The following LARP1B variants were observed in gnomAD, a reference collection of about 807,000 sequenced individuals.
LARP1B encodes La ribonucleoprotein 1B, also known as la-related protein 1B.
In LARP1B, 76 loss-of-function variants were observed where a neutral mutation model predicts 114.2. The ratio of observed to expected loss-of-function variants is 0.67; its 90% CI spans 0.55 to 0.81. LARP1B has a LOEUF of 0.81. Among genes scored for constraint, LARP1B ranks in the 30% least tolerant of loss-of-function variants. LARP1B has a pLI of 0.00. For missense variants in LARP1B, 1,014 were observed against 1,075.8 expected (o/e 0.94, Z 0.80); for synonymous variants, 345 against 348.0 (o/e 0.99, Z 0.10).
At position 128,077,879 on chromosome 4, in the gene LARP1B, A is replaced by T; in HGVS notation, c.134A>T (p.Lys45Ile). The change falls in exon 4 of 20, where the codon AAA becomes ATA. Residue 45 changes from lysine to isoleucine, a missense_variant. Transcript: ENST00000326639. ...GAAAAGAGAAGTAACAGTGACAGCA[A>T]AGAAAACCGGGAAACAAAATTAAAT... The part of the protein sequence containing the change: ...KVEKRSNSDS[K>I]ENRETKLNGP... The T allele has an allele frequency of 6.2e-7, 1 of 1,613,700 alleles. No homozygotes were observed. The highest frequency in any genetic ancestry group is 8.5e-7 in the Non-Finnish European group (1 of 1,179,836).
At chr4:128,177,715 G>C (rs1167800514) in intron 13 of LARP1B, among the ~76,000 whole-genome samples, 2 of 152,142 alleles carry the variant, frequency 1.3e-5, no homozygotes, top group Admixed American at 6.6e-5. Context: ...CATGCTGCTG[G>C]TGAGAGTGTA....
At chr4:128,190,867 A>G (rs1452838915) in intron 15 of LARP1B, among the ~76,000 whole-genome samples, 1 of 152,132 alleles carries the variant, frequency 6.6e-6, no homozygotes, top group East Asian at 1.9e-4. Flanking sequence ...TTAGATTTGG[A>G]ATGTTTTCTG....
At position 128,199,597 on chromosome 4, in the gene LARP1B, G is replaced by A; in HGVS notation, c.2162G>A (p.Ser721Asn). ...VYHKYRRRCL[S>N]ERKRLGIGQS... ...CACAAGTATCGTCGAAGATGCCTAA[G>A]TGGTAAGATGCTTGTCCTTTATCTA... Residue 721 changes from serine to asparagine, a missense_variant and splice_region_variant, in exon 16 of 20, where the codon AGT becomes AAT. Coordinates refer to ENST00000326639, the MANE Select transcript of LARP1B (RefSeq NM_018078.4). 2 of 1,525,420 alleles carry A rather than the reference G, an allele frequency of 1.3e-6. No individual in the cohort carries two copies. The highest frequency in any genetic ancestry group is 1.4e-5 in the South Asian group (1 of 72,160). The allele number at this position is 1,525,420 out of a possible 1,614,324, so 94.5% of individuals were successfully genotyped here.
chr4:128,178,882 C>T (rs1171093716), intron 14 of LARP1B, among the ~76,000 whole-genome samples: 1 of 152,032 alleles, frequency 6.6e-6, no homozygotes, highest in Non-Finnish European at 1.5e-5. Flanking sequence ...CGCTTGTGCC[C>T]AGGAGTTGGA....
At chr4:128,134,898 A>G (rs2150140233) in intron 11 of LARP1B, among the ~76,000 whole-genome samples, 1 of 152,220 alleles carries the variant, frequency 6.6e-6, no homozygotes, top group South Asian at 2.1e-4. Flanking sequence ...TGAGGTCAGG[A>G]GTTTAAGACC....
chr4:128,085,963 G>A (rs1339819587), intron 5 of LARP1B, among the ~76,000 whole-genome samples: 1 of 151,052 alleles, frequency 6.6e-6, no homozygotes, highest in Non-Finnish European at 1.5e-5. Context: ...CATGTCTAGT[G>A]GAATTCCTGT....
chr4:128,148,140 T>C (rs79153581), intron 11 of LARP1B, among the ~76,000 whole-genome samples: 2,073 of 152,272 alleles, frequency 0.014, 34 homozygotes, highest in African/African-American at 0.037. Context: ...CACCTTAATA[T>C]GCATCTAAAG....
chr4:128,091,640 A>C, intron 7 of LARP1B, 128 bp downstream of exon 7: 1 of 657,790 alleles, frequency 1.5e-6, no homozygotes, highest in East Asian at 3.0e-5. Flanking sequence ...TCTGTTGCCC[A>C]GGCTGGAGTG....
intron 11 of LARP1B, chr4:128,155,325 C>A: frequency 1.9e-6 from 1 of 522,888 alleles, no homozygotes; most frequent in South Asian, 2.2e-5. Flanking sequence ...ATCATGTGGT[C>A]AAAATCTGGA....
chr4:128,079,043 T>C (rs1283456462), intron 4 of LARP1B, among the ~76,000 whole-genome samples: 1 of 152,080 alleles, frequency 6.6e-6, no homozygotes, highest in Non-Finnish European at 1.5e-5. Context: ...CCAACTTCTT[T>C]AACACTTTAA....
intron 9 of LARP1B, among the ~76,000 whole-genome samples, chr4:128,114,003 C>T (rs906504072): frequency 3.6e-4 from 54 of 151,942 alleles, no homozygotes; most frequent in African/African-American, 1.3e-3. Flanking sequence ...TCAGGCCAGT[C>T]GACACTTCAC....
At chr4:128,110,800 T>C (rs1223643487) in intron 9 of LARP1B, among the ~76,000 whole-genome samples, 1 of 151,732 alleles carries the variant, frequency 6.6e-6, no homozygotes, top group Non-Finnish European at 1.5e-5. Context: ...CCAAATTCTT[T>C]AGTGTTTTAA....
At chr4:128,222,649 C>A, downstream of LARP1B, 2 of 264,494 alleles carry the variant, frequency 7.6e-6, no homozygotes, top group South Asian at 4.0e-5. Context: ...AGGGGAATAA[C>A]TTACTCTTTA....
At chr4:128,099,833 A>G (rs1779641737) in intron 8 of LARP1B, among the ~76,000 whole-genome samples, 4 of 152,210 alleles carry the variant, frequency 2.6e-5, no homozygotes, top group Admixed American at 2.6e-4. Context: ...CCTATTGTCC[A>G]AAGTGGCTTT....
intron 5 of LARP1B, among the ~76,000 whole-genome samples, chr4:128,082,716 CT>C (rs1275404691): frequency 6.6e-6 from 1 of 150,728 alleles, no homozygotes; most frequent in Non-Finnish European, 1.5e-5. Flanking sequence ...ATATCCCTTA[CT>C]TTGGGTTTTC....
intron 9 of LARP1B, chr4:128,108,230 A>G (rs764249493): frequency 1.2e-5 from 14 of 1,149,300 alleles, no homozygotes; most frequent in African/African-American, 1.6e-5. Flanking sequence ...ATACCGCAAG[A>G]TTATGTTTTC....
chr4:128,120,131 G>A (rs1318593157), intron 10 of LARP1B, among the ~76,000 whole-genome samples: 1 of 152,112 alleles, frequency 6.6e-6, no homozygotes, highest in Non-Finnish European at 1.5e-5. Flanking sequence ...AGCTCCATCA[G>A]GGCATAGTTG....
At position 128,119,132 on chromosome 4, in the gene LARP1B, G is replaced by A. The variant is rs1299849470; in HGVS notation, c.1162-2694G>A. On this transcript the variant is annotated intron_variant, in intron 10 of 19. Transcript: ENST00000326639. ...ACTCCTGACCTCAGGTGATCCACCT[G>A]CCTCGGCCTCCCAAAGTGCTGGGAT... is the stretch of plus-strand genomic sequence containing the variant. Among the ~76,000 whole-genome samples the A allele has an allele frequency of 4.6e-5, 7 of 152,174 alleles. No individual in the cohort carries two copies. The East Asian group carries it at 1.4e-3, about 29-fold the overall frequency.
chr4:128,108,564 T>C (rs941514322), intron 9 of LARP1B: 22 of 985,522 alleles, frequency 2.2e-5, no homozygotes, highest in Non-Finnish European at 2.7e-5. Flanking sequence ...TTATCATATG[T>C]TTCTTTGTCA....
Sources: gnomAD v4.1 joint callset for allele counts (sites outside exome capture counted in the v4.1 genomes callset) on GRCh38, gnomAD v4.1.1 for gene constraint, MANE v1.5 for transcripts, NCBI Gene and HGNC (gene_info 2026-07-23, HGNC 2026-07-21) for gene names.